Variants in CLDN18 observed in about 807,000 individuals in gnomAD.
The protein encoded by CLDN18 is claudin-18.
A neutral mutation model predicts 25.0 loss-of-function variants in CLDN18; 20 were observed. The observed-to-expected ratio is 0.80, with a 90% CI of 0.56 to 1.16. CLDN18 has a LOEUF of 1.16. CLDN18 is among the 50% of genes most tolerant of loss of function. The pLI, the probability that CLDN18 is intolerant of heterozygous loss-of-function variation, is 0.00. For missense variants in CLDN18, 297 were observed against 345.4 expected (o/e 0.86, Z 1.11); for synonymous variants, 125 against 135.6 (o/e 0.92, Z 0.54).
upstream of CLDN18, among the ~76,000 whole-genome samples, chr3:138,005,737 T>C (rs1308861936): frequency 2.0e-5 from 3 of 152,322 alleles, no homozygotes; most frequent in Non-Finnish European, 4.4e-5. Context: ...GAAAGCAATA[T>C]GGTTGTGTAT....
chr3:138,023,565 G>GTT, intron 1 of CLDN18, 93 bp from the exon 2 acceptor site: 1 of 1,284,192 alleles, frequency 7.8e-7, no homozygotes, highest in Non-Finnish European at 1.1e-6. Flanking sequence ...GTGCAGGTTA[G>GTT]TTGTGGTTGC....
chr3:138,000,920 C>A (rs1284908916), intron 1 of CLDN18, among the ~76,000 whole-genome samples: 1 of 152,228 alleles, frequency 6.6e-6, no homozygotes, highest in Non-Finnish European at 1.5e-5. Context: ...GGAGAATCAG[C>A]CTATGGCTGA....
In CLDN18 at chr3:138,010,364, G is replaced by A. The variant is rs763032242; in HGVS notation, c.139G>A (p.Glu47Lys). The change falls in exon 1 of 5, where the codon GAA becomes AAA. Residue 47 changes from glutamate to lysine, a missense_variant. Glu to Lys is a moderately conservative substitution (Grantham distance 56). Coordinates refer to ENST00000183605, the MANE Select transcript of CLDN18 (RefSeq NM_016369.4). ...CCCCGTCACCTCCGTGTTCCAGTAC[G>A]AAGGGCTCTGGAGGAGCTGCGTGAG... ...DNPVTSVFQY[E>K]GLWRSCVRQS... The A allele has an allele frequency of 4.3e-6, 7 of 1,614,100 alleles. No individual in the cohort carries two copies. The highest frequency in any genetic ancestry group is 2.7e-5 in the African/African-American group (2 of 74,938).
At chr3:138,026,002 A>C (rs534881856) in intron 3 of CLDN18, among the ~76,000 whole-genome samples, 13 of 152,258 alleles carry the variant, frequency 8.5e-5, no homozygotes, top group Admixed American at 5.9e-4. Context: ...AGACTATAGA[A>C]TTCTGAAAGG....
chr3:138,030,661 G>A (rs958982094), intron 4 of CLDN18, among the ~76,000 whole-genome samples: 4 of 152,198 alleles, frequency 2.6e-5, no homozygotes, highest in African/African-American at 9.6e-5. Flanking sequence ...AGTTACCGAG[G>A]ATTTGGGGAT....
At chr3:138,023,541 C>A in intron 1 of CLDN18, 117 bp from the exon 2 acceptor site, 1 of 923,482 alleles carries the variant, frequency 1.1e-6, no homozygotes, top group Non-Finnish European at 1.6e-6. Flanking sequence ...ACTTTGCTGT[C>A]TCTCAGAGGT....
chr3:138,006,880 C>T (rs1006089728), upstream of CLDN18, among the ~76,000 whole-genome samples: 48 of 152,276 alleles, frequency 3.2e-4, no homozygotes, highest in African/African-American at 1.1e-3. Context: ...GTGTCACTGT[C>T]ACCATTTCAG....
exon 1 of CLDN18, chr3:137,999,020 G>T (rs139388349): frequency 1.2e-6 from 2 of 1,614,206 alleles, no homozygotes; most frequent in Non-Finnish European, 1.7e-6. Flanking sequence ...GGGCTGTGGC[G>T]CTCCTGTGTC....
In CLDN18 at chr3:137,998,885, G is replaced by A. The variant is rs773570688; in HGVS notation, c.17G>A (p.Cys6Tyr). 6 of 1,614,128 alleles carry A rather than the reference G, an allele frequency of 3.7e-6. No individual in the cohort carries two copies. The African/African-American group carries it at 6.7e-5, about 18-fold the overall frequency. ...TGCGCCACCATGGCCGTGACTGCCT[G>A]TCAGGGCTTGGGGTTCGTGGTTTCA... Residue 6 changes from cysteine (C) to tyrosine (Y), a missense_variant, in exon 1 of 5, where the codon TGT becomes TAT. Coordinates refer to the CLDN18 transcript ENST00000343735.
chr3:138,029,830 G>A lies in CLDN18; in HGVS notation c.537G>A (p.Trp179Ter). ...YTFGAALFVGWVAGGLTLIGG... is the reference protein window; with the variant it reads ...YTFGAALFVG Reference sequence around the variant, plus strand: ...TTGGTGCGGCTCTGTTCGTGGGCTGGGTCGCTGGAGGCCTCACACTAATTG... The same window carrying A: ...TTGGTGCGGCTCTGTTCGTGGGCTGAGTCGCTGGAGGCCTCACACTAATTG... The change falls in exon 4 of 5, where the codon TGG becomes TGA. Residue 179 changes from tryptophan to a stop codon, truncating the protein, a stop_gained. Coordinates refer to ENST00000183605, the MANE Select transcript of CLDN18 (RefSeq NM_016369.4). LOFTEE classifies it high-confidence loss of function. 1.3e-6 allele frequency: 2 copies of A among 1,591,202 alleles called. No individual in the cohort carries two copies. Among genetic ancestry groups the A allele is most frequent in the Non-Finnish European group, 1.7e-6 (2 of 1,169,950 alleles).
At chr3:138,013,401 G>A (rs1057057661) in intron 1 of CLDN18, among the ~76,000 whole-genome samples, 1 of 152,164 alleles carries the variant, frequency 6.6e-6, no homozygotes, top group Non-Finnish European at 1.5e-5. Context: ...ACATCTCAAT[G>A]GCTTGACACA....
At chr3:138,017,181 T>C (rs992433696) in intron 1 of CLDN18, among the ~76,000 whole-genome samples, 1 of 152,194 alleles carries the variant, frequency 6.6e-6, no homozygotes, top group Non-Finnish European at 1.5e-5. Flanking sequence ...TTTGTTCTTC[T>C]AGCCTTTTTT....
chr3:138,003,061 C>G (rs1442365716), intron 1 of CLDN18, among the ~76,000 whole-genome samples: 1 of 151,506 alleles, frequency 6.6e-6, no homozygotes, highest in African/African-American at 2.5e-5. Context: ...ATACAGTAAA[C>G]AGTCTCAACG....
At chr3:138,008,446 T>C (rs565549627), upstream of CLDN18, among the ~76,000 whole-genome samples, 3 of 151,286 alleles carry the variant, frequency 2.0e-5, no homozygotes, top group East Asian at 5.9e-4. Flanking sequence ...TCTACTAAAA[T>C]ACAAAAATTA....
intron 1 of CLDN18, among the ~76,000 whole-genome samples, chr3:138,001,504 G>A (rs189373035): frequency 6.6e-6 from 1 of 151,798 alleles, no homozygotes; most frequent in African/African-American, 2.4e-5. Context: ...TTACAGGTGT[G>A]AGCCACCGCG....
chr3:138,005,309 G>C (rs1490908415), upstream of CLDN18, among the ~76,000 whole-genome samples: 2 of 152,138 alleles, frequency 1.3e-5, no homozygotes, highest in Middle Eastern at 3.4e-3. Context: ...TGTTACATAG[G>C]TATACATGTG....
Position 138,031,957 on chromosome 3 carries a change from CAT to C in CLDN18, c.*817_*818del. Reference sequence around the variant, plus strand: ...TCTCTGTGAAATAGCCTCACCCCTACATGTGGATAGAAGGAAATGAAAAAATA... The same window carrying C: ...TCTCTGTGAAATAGCCTCACCCCTACGTGGATAGAAGGAAATGAAAAAATA... On this transcript the variant is annotated 3_prime_UTR_variant, in exon 5 of 5. Coordinates refer to ENST00000183605, the MANE Select transcript of CLDN18 (RefSeq NM_016369.4). The C allele has an allele frequency of 6.6e-6, 1 of 152,244 alleles. No homozygotes were observed. The highest frequency in any genetic ancestry group is 1.9e-4 in the East Asian group (1 of 5,188). The allele number at this position is 152,244 out of a possible 1,614,324, so 9.4% of individuals were successfully genotyped here.
At chr3:138,000,526 G>A (rs1942004657) in intron 1 of CLDN18, among the ~76,000 whole-genome samples, 1 of 151,588 alleles carries the variant, frequency 6.6e-6, no homozygotes, top group Non-Finnish European at 1.5e-5. Flanking sequence ...TTGAGAGGTT[G>A]GTTGTTTGGT....
rs766193972 is a variant in CLDN18 at position 138,031,106 on chromosome 3, GTACAATCTTATCCTTCCAAGCACGAC to G, written c.754_779del (p.Gln252CysfsTer5). 5 of 1,613,826 alleles carry G rather than the reference GTACAATCTTATCCTTCCAAGCACGAC, an allele frequency of 3.1e-6. No homozygotes were observed. Among genetic ancestry groups the G allele is most frequent in the Non-Finnish European group, 4.2e-6 (5 of 1,180,000 alleles). ...TGGAGGTGCCCGCACAGAGGACGAG[GTACAATCTTATCCTTCCAAGCACGAC>G]TATGTGTAATGCTCTAAGACCTCTC... On this transcript the variant is annotated frameshift_variant, in exon 5 of 5. Transcript: ENST00000183605. LOFTEE classifies it high-confidence loss of function.
Sources: allele counts gnomAD v4.1 joint callset (sites outside exome capture counted in the v4.1 genomes callset), GRCh38; gene constraint gnomAD v4.1.1; transcripts MANE v1.5; gene names NCBI Gene and HGNC (gene_info 2026-07-23, HGNC 2026-07-21).